The following TCF12 variants were observed in gnomAD, a reference collection of about 807,000 sequenced individuals.
TCF12 encodes the protein DNA-binding protein HTF4.
Under a neutral mutation model 86.0 loss-of-function variants are expected in TCF12, and 45 were observed. The observed-to-expected ratio is 0.52, with a 90% CI of 0.41 to 0.67. The LOEUF (loss-of-function observed/expected upper bound fraction) is 0.67. Among genes scored for constraint, TCF12 ranks in the 30% least tolerant of loss-of-function variants. TCF12 has a pLI of 0.00. For missense variants in TCF12, 881 were observed against 859.9 expected (o/e 1.02, Z -0.31); for synonymous variants, 330 against 299.6 (o/e 1.10, Z -1.05).
chr15:57,239,727 G>A (rs1241893284), intron 12 of TCF12, among the ~76,000 whole-genome samples: 1 of 151,766 alleles, frequency 6.6e-6, no homozygotes, highest in Non-Finnish European at 1.5e-5. Context: ...CAGAGGGAAG[G>A]GTAGAGTGGC....
At chr15:56,997,120 T>C (rs1272679507) in intron 3 of TCF12, among the ~76,000 whole-genome samples, 1 of 152,214 alleles carries the variant, frequency 6.6e-6, no homozygotes, top group Non-Finnish European at 1.5e-5. Context: ...ATCTCACTGC[T>C]GGGTATATAC....
chr15:57,176,333 G>A (rs1403808545), intron 6 of TCF12, among the ~76,000 whole-genome samples: 1 of 152,222 alleles, frequency 6.6e-6, no homozygotes, highest in African/African-American at 2.4e-5. Context: ...ACACTAACCT[G>A]TATGATTGTG....
intron 5 of TCF12, among the ~76,000 whole-genome samples, chr15:57,136,653 A>T (rs143482028): frequency 6.6e-6 from 1 of 152,264 alleles, no homozygotes; most frequent in African/African-American, 2.4e-5. Flanking sequence ...AGGTTTGAAG[A>T]TCCCTTTTCC....
At chr15:56,966,843 C>T (rs2062027549) in intron 3 of TCF12, among the ~76,000 whole-genome samples, 1 of 152,192 alleles carries the variant, frequency 6.6e-6, no homozygotes. Context: ...AAAAAGTTGG[C>T]TGGGCACGGT....
chr15:56,958,676 A>AGTGTGTGTGTGTGTGT (rs1324930525), intron 3 of TCF12, among the ~76,000 whole-genome samples: 5 of 92,478 alleles, frequency 5.4e-5, no homozygotes, highest in African/African-American at 1.0e-4. Context: ...AGAGAGAGAG[A>AGTGTGTGTGTGTGTGT]GAGTGTGTGT....
At chr15:57,149,121 A>G (rs1453554288) in intron 5 of TCF12, among the ~76,000 whole-genome samples, 2 of 152,226 alleles carry the variant, frequency 1.3e-5, no homozygotes, top group Admixed American at 6.5e-5. Flanking sequence ...TGAATATAAA[A>G]GTGTCAAAAT....
chr15:57,106,522 C>T (rs1043190954), intron 5 of TCF12, among the ~76,000 whole-genome samples: 2 of 152,142 alleles, frequency 1.3e-5, no homozygotes, highest in Non-Finnish European at 1.5e-5. Flanking sequence ...AGAGAACTCC[C>T]GGCAGGCAGA....
intron 4 of TCF12, among the ~76,000 whole-genome samples, chr15:57,078,878 A>G (rs1725022582): frequency 6.6e-6 from 1 of 152,212 alleles, no homozygotes; most frequent in South Asian, 2.1e-4. Flanking sequence ...TCACATAGAT[A>G]ACTCAGTTTA....
chr15:57,143,777 G>A (rs1157640025), intron 5 of TCF12, among the ~76,000 whole-genome samples: 2 of 152,162 alleles, frequency 1.3e-5, no homozygotes, highest in Non-Finnish European at 2.9e-5. Context: ...AAGAAAGAGA[G>A]GGAAAAGTCA....
chr15:57,133,239 G>A (rs1211339484), intron 5 of TCF12, among the ~76,000 whole-genome samples: 1 of 152,210 alleles, frequency 6.6e-6, no homozygotes, highest in African/African-American at 2.4e-5. Flanking sequence ...TCTTCAAATA[G>A]GAAGAAGTTT....
Position 57,287,059 on chromosome 15 carries a change from C to T in TCF12, c.*914C>T, listed in dbSNP as rs996529297. 1.2e-5 allele frequency: 2 copies of T among 162,354 alleles called. No individual in the cohort carries two copies. Among genetic ancestry groups the T allele is most frequent in the African/African-American group, 2.4e-5 (1 of 41,580 alleles). The allele number at this position is 162,354 out of a possible 1,614,324, so 10.1% of individuals were successfully genotyped here. On this transcript the variant is annotated 3_prime_UTR_variant, in exon 21 of 21. Transcript: ENST00000333725. The stretch of plus-strand genomic sequence containing the variant: ...CAAGCTTCTAGATCTCATAGGAAAG[C>T]TTGTAATAGCAAAATTGTAAATTAC...
At chr15:56,962,045 A>G (rs1310655621) in intron 3 of TCF12, among the ~76,000 whole-genome samples, 1 of 150,410 alleles carries the variant, frequency 6.6e-6, no homozygotes, top group African/African-American at 2.4e-5. Flanking sequence ...AGGCAGGAGA[A>G]TGGCGTGAAC....
In TCF12 at chr15:57,152,979, A is replaced by T. The variant is rs535309761; in HGVS notation, c.326-13423A>T. On this transcript the variant is annotated intron_variant, in intron 5 of 20. Coordinates refer to ENST00000333725, the MANE Select transcript of TCF12 (RefSeq NM_207037.2). ...AAAACACATCATGTATAGAACAACAAAGATAAACTACAGCAGACTTCTCTT... is the reference window on the plus strand; with the variant it reads ...AAAACACATCATGTATAGAACAACATAGATAAACTACAGCAGACTTCTCTT... Among the ~76,000 whole-genome samples the T allele has an allele frequency of 5.6e-4, 86 of 152,320 alleles. 1 individual carries two copies. In the South Asian group the frequency reaches 0.018, roughly 31 times the overall value.
chr15:57,261,257 A>C (rs2060572874), intron 16 of TCF12, among the ~76,000 whole-genome samples: 1 of 152,182 alleles, frequency 6.6e-6, no homozygotes, highest in South Asian at 2.1e-4. Flanking sequence ...GTAAAAGACA[A>C]ACATTTCATG....
chr15:56,938,664 G>A (rs1401797502), intron 3 of TCF12, among the ~76,000 whole-genome samples: 1 of 142,338 alleles, frequency 7.0e-6, no homozygotes, highest in African/African-American at 2.6e-5. Flanking sequence ...TTTTTTAGTG[G>A]TAATTTTTTT....
chr15:57,153,978 G>A (rs1386273189), intron 5 of TCF12, among the ~76,000 whole-genome samples: 2 of 149,342 alleles, frequency 1.3e-5, no homozygotes, highest in Non-Finnish European at 3.0e-5. Context: ...CTGGGTGACA[G>A]AAGAAGACCC....
intron 5 of TCF12, among the ~76,000 whole-genome samples, chr15:57,122,355 C>G (rs1310097851): frequency 1.3e-5 from 2 of 152,058 alleles, no homozygotes; most frequent in African/African-American, 2.4e-5. Context: ...AAAAACAAAA[C>G]AGAAAGACAA....
intron 5 of TCF12, among the ~76,000 whole-genome samples, chr15:57,141,244 A>G (rs190943048): frequency 3.2e-4 from 49 of 152,346 alleles, no homozygotes; most frequent in African/African-American, 1.1e-3. Context: ...TTTTCTTACT[A>G]TGGCCCCAGA....
At chr15:56,959,027 G>T (rs2061626651) in intron 3 of TCF12, among the ~76,000 whole-genome samples, 1 of 152,038 alleles carries the variant, frequency 6.6e-6, no homozygotes. Flanking sequence ...CTGGCTTATT[G>T]GGTCATACCT....
Sources: gnomAD v4.1 joint callset for allele counts (sites outside exome capture counted in the v4.1 genomes callset) on GRCh38, gnomAD v4.1.1 for gene constraint, MANE v1.5 for transcripts, NCBI Gene and HGNC (gene_info 2026-07-23, HGNC 2026-07-21) for gene names.